SAMMSON: variants seen among roughly 807,000 people sequenced by gnomAD.
SAMMSON encodes long intergenic non-protein coding RNA 1212.
At position 70,080,705 on chromosome 3, in the gene SAMMSON, T is replaced by TA. The variant is rs5849938; in HGVS notation, n.507+9142dup. ...ATCCCTGACTCCGTTTTTTTTTTTT[T>TA]AACCAAATAATTTTTTTCCTTCCAT... is the stretch of plus-strand genomic sequence containing the variant. On this transcript the variant is annotated intron_variant and non_coding_transcript_variant, in intron 4 of 9. Coordinates refer to ENST00000642114, the Ensembl canonical transcript of SAMMSON. Among the ~76,000 whole-genome samples, 1,293 of 152,110 alleles carry TA rather than the reference T, an allele frequency of 8.5e-3. 11 individuals are homozygous for TA. Among genetic ancestry groups the TA allele is most frequent in the Middle Eastern group, 0.041 (12 of 292 alleles).
At position 70,020,820 on chromosome 3, in the gene SAMMSON, C is replaced by G. The variant is rs2067010425; in HGVS notation, n.417+7148C>G. Among the ~76,000 whole-genome samples, 3 of 152,132 alleles carry G rather than the reference C, an allele frequency of 2.0e-5. No homozygotes were observed. In the South Asian group the frequency reaches 6.2e-4, roughly 32 times the overall value. On this transcript the variant is annotated intron_variant and non_coding_transcript_variant, in intron 3 of 9. Transcript: ENST00000642114. ...CTTTATGGACATCATTCCACGTCAT[C>G]TTCCCAACAACTGTAGGAAACATGC...
intron 2 of SAMMSON, among the ~76,000 whole-genome samples, chr3:70,433,719 A>G (rs911006592): frequency 6.6e-6 from 1 of 152,148 alleles, no homozygotes; most frequent in Non-Finnish European, 1.5e-5. Flanking sequence ...TCTAAAAAAA[A>G]TCAACAAACC....
chr3:70,229,831 G>A (rs756508782), intron 4 of SAMMSON, among the ~76,000 whole-genome samples: 2 of 152,076 alleles, frequency 1.3e-5, no homozygotes, highest in Non-Finnish European at 2.9e-5. Flanking sequence ...AAATTTGGAG[G>A]TCAATATTTG....
chr3:70,289,644 C>T (rs1319830456), intron 6 of SAMMSON, among the ~76,000 whole-genome samples: 1 of 151,610 alleles, frequency 6.6e-6, no homozygotes, highest in African/African-American at 2.4e-5. Context: ...GGATAATATC[C>T]TGCAGAGTGT....
intron 3 of SAMMSON, among the ~76,000 whole-genome samples, chr3:70,053,303 C>G (rs1458876547): frequency 1.3e-5 from 2 of 152,126 alleles, no homozygotes; most frequent in African/African-American, 4.8e-5. Flanking sequence ...TGATAGGGAG[C>G]CTGTAGCCTT....
At chr3:70,265,893 C>T (rs1701912649) in intron 6 of SAMMSON, among the ~76,000 whole-genome samples, 1 of 152,152 alleles carries the variant, frequency 6.6e-6, no homozygotes, top group Admixed American at 6.5e-5. Flanking sequence ...CACTCCCTGT[C>T]ACGAGAACGG....
At chr3:70,287,322 G>T (rs1223884536) in intron 6 of SAMMSON, among the ~76,000 whole-genome samples, 3 of 145,298 alleles carry the variant, frequency 2.1e-5, no homozygotes, top group Non-Finnish European at 4.5e-5. Flanking sequence ...TAATCATGTG[G>T]TTTTTGTCTT....
chr3:70,043,435 A>G (rs1365369631), intron 3 of SAMMSON, among the ~76,000 whole-genome samples: 1 of 152,128 alleles, frequency 6.6e-6, no homozygotes, highest in Non-Finnish European at 1.5e-5. Context: ...AATTTTACTT[A>G]AAATACACGT....
chr3:70,081,717 C>T (rs1339262756), intron 4 of SAMMSON, among the ~76,000 whole-genome samples: 1 of 152,168 alleles, frequency 6.6e-6, no homozygotes, highest in Non-Finnish European at 1.5e-5. Flanking sequence ...GTTTCACTGG[C>T]AAAGAGCTTC....
chr3:70,319,642 G>A (rs1273343748), intron 7 of SAMMSON, among the ~76,000 whole-genome samples: 14 of 152,006 alleles, frequency 9.2e-5, no homozygotes, highest in Admixed American at 9.2e-4. Context: ...AGTTTTTAAT[G>A]TAAGTCTTTT....
chr3:70,049,766 A>G (rs1185698298), intron 3 of SAMMSON, among the ~76,000 whole-genome samples: 2 of 152,124 alleles, frequency 1.3e-5, no homozygotes, highest in African/African-American at 4.8e-5. Flanking sequence ...ATTAAGAAAC[A>G]GTACGTTGGT....
rs1701364494 is a variant in SAMMSON, at chr3:70,212,810, C to G, written n.508-36297C>G. Among the ~76,000 whole-genome samples, 6 of 151,850 alleles carry G rather than the reference C, an allele frequency of 4.0e-5. No individual in the cohort carries two copies. The South Asian group carries it at 1.2e-3, about 32-fold the overall frequency. On this transcript the variant is annotated intron_variant and non_coding_transcript_variant, in intron 4 of 9. Transcript: ENST00000642114. Reference sequence around the variant, plus strand: ...CCATTTTCTCTCTCTTTTTTTGAGACAGGGTCTCACTCTGTCACCCAGGCT... The same window carrying G: ...CCATTTTCTCTCTCTTTTTTTGAGAGAGGGTCTCACTCTGTCACCCAGGCT...
intron 1 of SAMMSON, among the ~76,000 whole-genome samples, chr3:70,002,729 C>G (rs769183747): frequency 1.3e-5 from 2 of 152,108 alleles, no homozygotes; most frequent in Non-Finnish European, 2.9e-5. Flanking sequence ...AGAACATACT[C>G]TATATGGTTC....
intron 4 of SAMMSON, among the ~76,000 whole-genome samples, chr3:70,099,599 G>A (rs1467280026): frequency 6.6e-6 from 1 of 152,074 alleles, no homozygotes; most frequent in Non-Finnish European, 1.5e-5. Flanking sequence ...GATATCAATT[G>A]TTTGTCAATT....
chr3:70,295,120 C>T (rs1388172496), intron 7 of SAMMSON, among the ~76,000 whole-genome samples: 1 of 152,168 alleles, frequency 6.6e-6, no homozygotes, highest in Admixed American at 6.5e-5. Flanking sequence ...AGTCAGAATT[C>T]TTCCAACTTC....
chr3:70,318,756 G>T (rs1369537245), intron 7 of SAMMSON, among the ~76,000 whole-genome samples: 1 of 151,958 alleles, frequency 6.6e-6, no homozygotes, highest in Non-Finnish European at 1.5e-5. Context: ...TCTTTTTAGA[G>T]GGTGTTGAAT....
intron 4 of SAMMSON, among the ~76,000 whole-genome samples, chr3:70,235,550 A>G (rs1021009987): frequency 3.3e-5 from 5 of 152,208 alleles, no homozygotes; most frequent in Admixed American, 2.6e-4. Flanking sequence ...ATCAGTTTCC[A>G]TCCTTGACAC....
chr3:70,337,033 A>G (rs1182384104), intron 7 of SAMMSON, among the ~76,000 whole-genome samples: 2 of 137,150 alleles, frequency 1.5e-5, no homozygotes, highest in African/African-American at 2.6e-5. Context: ...TATTAATAAT[A>G]ATATCTAACT....
At chr3:70,354,639 A>G (rs1462034826) in intron 8 of SAMMSON, among the ~76,000 whole-genome samples, 1 of 152,164 alleles carries the variant, frequency 6.6e-6, no homozygotes, top group African/African-American at 2.4e-5. Context: ...TGAGCTGGGA[A>G]CCCAGTTCTG....
Sources: allele counts gnomAD v4.1 joint callset (sites outside exome capture counted in the v4.1 genomes callset), GRCh38; gene constraint gnomAD v4.1.1; transcripts MANE v1.5; gene names NCBI Gene and HGNC (gene_info 2026-07-23, HGNC 2026-07-21).